SLC9A9: variants seen among roughly 807,000 people sequenced by gnomAD.
The protein encoded by SLC9A9 is sodium/hydrogen exchanger 9.
In SLC9A9, 62 loss-of-function variants were observed where a neutral mutation model predicts 77.8. The observed-to-expected ratio is 0.80, with a 90% confidence interval of 0.65 to 0.98. SLC9A9 has a LOEUF of 0.98. Among genes scored for constraint, SLC9A9 ranks in the 50% least tolerant of loss-of-function variants. The probability of loss-of-function intolerance (pLI) is 0.00; values close to 1 mark genes in which losing one functional copy is unlikely to be tolerated. For synonymous variants in SLC9A9, 320 were observed against 283.5 expected, an observed-to-expected ratio of 1.13 and a Z score of -1.29; for missense variants, 775 against 774.9, an observed-to-expected ratio of 1.00 and a Z score of 0.00.
chr3:143,520,379 G>T (rs1044892122), intron 9 of SLC9A9, among the ~76,000 whole-genome samples: 2 of 152,184 alleles, frequency 1.3e-5, no homozygotes, highest in Non-Finnish European at 2.9e-5. Flanking sequence ...CAGCAACAAG[G>T]TAGCCACCTG....
rs145282789 is a variant in SLC9A9 at position 143,310,476 on chromosome 3, G to A, written c.1605-41496C>T. The stretch of plus-strand genomic sequence containing the variant: ...ACATGAGAGCTAAAGTGCACAAAGC[G>A]AAATGCAGGCGTGGTGTGGCCTTTA... On this transcript the variant is annotated intron_variant, in intron 14 of 15. Coordinates refer to ENST00000316549, the MANE Select transcript of SLC9A9 (RefSeq NM_173653.4). Among the ~76,000 whole-genome samples, 16 of 149,202 alleles carry A rather than the reference G, an allele frequency of 1.1e-4. No individual in the cohort carries two copies. In the East Asian group the frequency reaches 3.1e-3, roughly 29 times the overall value.
intron 12 of SLC9A9, among the ~76,000 whole-genome samples, chr3:143,417,435 G>T (rs1263490181): frequency 1.3e-5 from 2 of 150,548 alleles, no homozygotes; most frequent in African/African-American, 4.9e-5. Context: ...GGTAGGACTG[G>T]TGTCCTTATA....
chr3:143,601,168 G>A (rs932502567), intron 6 of SLC9A9, among the ~76,000 whole-genome samples: 8 of 152,108 alleles, frequency 5.3e-5, no homozygotes, highest in African/African-American at 1.9e-4. Flanking sequence ...TTCATTCAAT[G>A]AATATTTACT....
intron 11 of SLC9A9, among the ~76,000 whole-genome samples, chr3:143,479,664 G>A (rs867907109): frequency 6.6e-6 from 1 of 152,016 alleles, no homozygotes; most frequent in Non-Finnish European, 1.5e-5. Flanking sequence ...AGGAGCCATG[G>A]GCCTTTGTCT....
chr3:143,311,804 T>C lies in SLC9A9; in HGVS notation c.1605-42824A>G, dbSNP rs148552918. Among the ~76,000 whole-genome samples, 440 of 152,346 alleles carry C rather than the reference T, an allele frequency of 2.9e-3. 1 individual carries two copies. Among genetic ancestry groups the C allele is most frequent in the Middle Eastern group, 0.01 (3 of 294 alleles). On this transcript the variant is annotated intron_variant, in intron 14 of 15. Transcript: ENST00000316549. ...TGTGTGATTCTCACATACTTTGCTC[T>C]CATGTGTACTGAAATCAACCTGAGC...
At chr3:143,387,959 T>C (rs1186170834) in intron 12 of SLC9A9, among the ~76,000 whole-genome samples, 1 of 152,202 alleles carries the variant, frequency 6.6e-6, no homozygotes, top group Non-Finnish European at 1.5e-5. Flanking sequence ...TGAATTCCAA[T>C]AGTCTTAGGT....
intron 5 of SLC9A9, among the ~76,000 whole-genome samples, chr3:143,679,126 AAAAC>A (rs535631632): frequency 5.9e-5 from 9 of 152,108 alleles, no homozygotes; most frequent in South Asian, 4.2e-4. Context: ...GCAAATTAGG[AAAAC>A]AAACAAACAA....
chr3:143,459,341 T>TA (rs1267054338), intron 12 of SLC9A9, among the ~76,000 whole-genome samples: 1 of 152,174 alleles, frequency 6.6e-6, no homozygotes, highest in Non-Finnish European at 1.5e-5. Context: ...GATACTATGT[T>TA]AGATAACTCT....
chr3:143,510,287 T>C (rs1417496758), intron 9 of SLC9A9, among the ~76,000 whole-genome samples: 2 of 152,198 alleles, frequency 1.3e-5, no homozygotes, highest in Non-Finnish European at 2.9e-5. Context: ...AAATTCTGGT[T>C]GATATATTTG....
intron 6 of SLC9A9, among the ~76,000 whole-genome samples, chr3:143,625,186 T>A (rs1488849963): frequency 2.0e-5 from 3 of 152,232 alleles, no homozygotes; most frequent in African/African-American, 7.2e-5. Context: ...ATGGCCATAA[T>A]GCCCAAGGCA....
intron 11 of SLC9A9, among the ~76,000 whole-genome samples, chr3:143,473,555 G>A (rs1490543760): frequency 8.5e-5 from 13 of 152,078 alleles, no homozygotes; most frequent in African/African-American, 4.8e-5. Context: ...CCATTTGAAC[G>A]ATCTTTCTTC....
At chr3:143,821,739 A>G (rs2009170704) in intron 2 of SLC9A9, among the ~76,000 whole-genome samples, 1 of 152,222 alleles carries the variant, frequency 6.6e-6, no homozygotes, top group Admixed American at 6.5e-5. Flanking sequence ...TCAAGTTTTC[A>G]ACAGGCTCAC....
chr3:143,822,291 A>G (rs2009186413), intron 2 of SLC9A9, among the ~76,000 whole-genome samples: 1 of 152,116 alleles, frequency 6.6e-6, no homozygotes, highest in African/African-American at 2.4e-5. Context: ...ACTACACACT[A>G]CCTGAGGGTC....
intron 4 of SLC9A9, among the ~76,000 whole-genome samples, chr3:143,708,367 A>G (rs115221791): frequency 6.6e-6 from 1 of 152,120 alleles, no homozygotes; most frequent in Non-Finnish European, 1.5e-5. Context: ...ACATTCACTA[A>G]AGGCACCATG....
intron 5 of SLC9A9, among the ~76,000 whole-genome samples, chr3:143,652,778 T>TACACACAC (rs369670861): frequency 0.041 from 3,343 of 82,380 alleles, 82 homozygotes; most frequent in East Asian, 0.1. Context: ...ATTCCTTAAA[T>TACACACAC]ACACACACAC....
Position 143,574,227 on chromosome 3 carries a change from C to A in SLC9A9, c.895-34G>T, listed in dbSNP as rs756632937. ...GATAAGTTAAGGGAAACAACAACAGCTTTTACAGCTACATCTCCTTCTTGG... is the reference window on the plus strand; with the variant it reads ...GATAAGTTAAGGGAAACAACAACAGATTTTACAGCTACATCTCCTTCTTGG... On this transcript the variant is annotated intron_variant, in intron 7 of 15. Coordinates refer to ENST00000316549, the MANE Select transcript of SLC9A9 (RefSeq NM_173653.4). 2.0e-6 allele frequency: 3 copies of A among 1,518,162 alleles called. No homozygotes were observed. The Admixed American group carries it at 5.1e-5, about 26-fold the overall frequency. 94.0% of individuals were successfully genotyped at this position (1,518,162 alleles called of 1,614,324 possible).
chr3:143,685,461 A>G (rs1242323329), intron 5 of SLC9A9, among the ~76,000 whole-genome samples: 4 of 152,136 alleles, frequency 2.6e-5, no homozygotes, highest in Non-Finnish European at 5.9e-5. Flanking sequence ...CAAGTCTCTG[A>G]ATTAATAATT....
Position 143,434,238 on chromosome 3 carries a change from T to C in SLC9A9, c.1469+32799A>G, listed in dbSNP as rs531946185. Among the ~76,000 whole-genome samples, 11 of 152,336 alleles carry C rather than the reference T, an allele frequency of 7.2e-5. No individual in the cohort carries two copies. The East Asian group carries it at 1.5e-3, about 21-fold the overall frequency. Reference sequence around the variant, plus strand: ...GTGAATACAGTTCTGTCTGCAAATATATTGAAAATCATTCGATGACAGAAA... The same window carrying C: ...GTGAATACAGTTCTGTCTGCAAATACATTGAAAATCATTCGATGACAGAAA... On this transcript the variant is annotated intron_variant, in intron 12 of 15. Coordinates refer to ENST00000316549, the MANE Select transcript of SLC9A9 (RefSeq NM_173653.4).
At chr3:143,295,795 C>T (rs1323760963) in intron 14 of SLC9A9, among the ~76,000 whole-genome samples, 4 of 152,104 alleles carry the variant, frequency 2.6e-5, no homozygotes, top group Non-Finnish European at 5.9e-5. Context: ...TTCCAATATA[C>T]CTGTAATTAC....
Sources: allele counts gnomAD v4.1 joint callset (sites outside exome capture counted in the v4.1 genomes callset), GRCh38; gene constraint gnomAD v4.1.1; transcripts MANE v1.5; gene names NCBI Gene and HGNC (gene_info 2026-07-23, HGNC 2026-07-21).